CORO1C: variants seen among roughly 807,000 people sequenced by gnomAD.
CORO1C encodes coronin 1C.
CORO1C carries 14 observed loss-of-function variants against 51.2 expected under a neutral mutation model. The ratio of observed to expected loss-of-function variants is 0.27; its 90% confidence interval spans 0.18 to 0.43. The LOEUF is 0.43. CORO1C is among the 20% of genes least tolerant of loss of function. The probability of loss-of-function intolerance (pLI) is 1.00; values close to 1 mark genes in which losing one functional copy is unlikely to be tolerated. For missense variants in CORO1C, 417 were observed against 607.8 expected, an observed-to-expected ratio of 0.69 and a Z score of 3.30; for synonymous variants, 181 against 210.5, an observed-to-expected ratio of 0.86 and a Z score of 1.21.
rs186978980 is a variant in CORO1C at position 108,658,369 on chromosome 12, T to C, written c.630+369A>G. On this transcript the variant is annotated intron_variant, in intron 5 of 10. Coordinates refer to ENST00000261401, the MANE Select transcript of CORO1C (RefSeq NM_014325.4). The surrounding 1 kb of genome is among the most constrained non-coding windows in gnomAD (Gnocchi z 4.9). Reference sequence around the variant, plus strand: ...CCACCTGTTGCATCTTTAACAGCTGTGTTTGGAAAAGGGTGAGGAATTGAT... The same window carrying C: ...CCACCTGTTGCATCTTTAACAGCTGCGTTTGGAAAAGGGTGAGGAATTGAT... Among the ~76,000 whole-genome samples the C allele has an allele frequency of 3.7e-4, 56 of 152,212 alleles. No homozygotes were observed. The highest frequency in any genetic ancestry group is 1.2e-3 in the African/African-American group (51 of 41,532).
intron 8 of CORO1C, among the ~76,000 whole-genome samples, chr12:108,650,606 C>T (rs2032604666): frequency 6.6e-6 from 1 of 152,170 alleles, no homozygotes; most frequent in South Asian, 2.1e-4. Context: ...CTCACCAAGC[C>T]TTAAGTTCTT....
intron 2 of CORO1C, among the ~76,000 whole-genome samples, chr12:108,696,650 A>G (rs1374375661): frequency 2.0e-5 from 3 of 152,242 alleles, no homozygotes; most frequent in African/African-American, 7.2e-5. Flanking sequence ...AGTATTCCTC[A>G]TAGCCAAAAC....
At chr12:108,707,809 A>G (rs2136872401) in intron 1 of CORO1C, among the ~76,000 whole-genome samples, 1 of 152,344 alleles carries the variant, frequency 6.6e-6, no homozygotes, top group East Asian at 1.9e-4. Flanking sequence ...CCAATTTAAA[A>G]ATGAATCAAA....
At chr12:108,694,237 G>A (rs193237899) in intron 2 of CORO1C, among the ~76,000 whole-genome samples, 65 of 129,220 alleles carry the variant, frequency 5.0e-4, no homozygotes, top group African/African-American at 1.7e-3. Context: ...AGTCAAGATC[G>A]CACCACTGCA....
intron 1 of CORO1C, among the ~76,000 whole-genome samples, chr12:108,718,611 A>G (rs913548717): frequency 6.6e-6 from 1 of 152,096 alleles, no homozygotes; most frequent in African/African-American, 2.4e-5. Flanking sequence ...AAATCTCCCT[A>G]TGTTTCTGGA....
chr12:108,673,514 A>G (rs1472737827), intron 3 of CORO1C, among the ~76,000 whole-genome samples: 1 of 152,260 alleles, frequency 6.6e-6, no homozygotes, highest in African/African-American at 2.4e-5. Flanking sequence ...GGATAAGATC[A>G]TTGATGAAGG....
intron 1 of CORO1C, among the ~76,000 whole-genome samples, chr12:108,723,002 C>T (rs1032905768): frequency 2.6e-5 from 4 of 152,240 alleles, no homozygotes; most frequent in Non-Finnish European, 5.9e-5. Context: ...AGGACAGTTA[C>T]TCTATTTCTA....
At chr12:108,667,460 C>T (rs1390329274) in intron 3 of CORO1C, among the ~76,000 whole-genome samples, 1 of 152,198 alleles carries the variant, frequency 6.6e-6, no homozygotes, top group Non-Finnish European at 1.5e-5. Flanking sequence ...CTCAGTGCAG[C>T]AGAGAGTACA....
chr12:108,718,871 A>G (rs1218011442), intron 1 of CORO1C, among the ~76,000 whole-genome samples: 3 of 152,236 alleles, frequency 2.0e-5, no homozygotes, highest in Non-Finnish European at 4.4e-5. Flanking sequence ...CTTTACCACC[A>G]TTCAATACCT....
rs897456813 is a variant in CORO1C, at chr12:108,719,279, A to T, written c.-6+12150T>A. Among the ~76,000 whole-genome samples the T allele has an allele frequency of 4.6e-5, 7 of 152,348 alleles. No individual in the cohort carries two copies. The East Asian group carries it at 1.2e-3, about 25-fold the overall frequency. ...GGCTTCCTATCCCTAATACTTTTTT[A>T]AACAACTACATTTATGGTTTATGGT... On this transcript the variant is annotated intron_variant, in intron 1 of 10. Transcript: ENST00000261401.
At chr12:108,650,645 C>T (rs1393306381) in intron 8 of CORO1C, among the ~76,000 whole-genome samples, 1 of 152,116 alleles carries the variant, frequency 6.6e-6, no homozygotes, top group Non-Finnish European at 1.5e-5. Context: ...AAAAGTTACA[C>T]CTACCACATA....
Position 108,701,220 on chromosome 12 carries a change from G to A in CORO1C, c.99C>T (p.Thr33=), listed in dbSNP as rs758237818. 1.4e-5 allele frequency: 22 copies of A among 1,614,118 alleles called. No homozygotes were observed. The highest frequency in any genetic ancestry group is 1.7e-5 in the Non-Finnish European group (20 of 1,180,010). ...CYDDIRVSRV[T]WDSSFCAVNP... is the part of the protein sequence containing the mutation. ...TGACAGCACAAAAGGAACTATCCCA[G>A]GTCACACGAGAAACCCGGATGTCAT... Residue 33 remains threonine (T), a synonymous_variant, in exon 2 of 11, where the codon ACC becomes ACT. Transcript: ENST00000261401.
intron 1 of CORO1C, among the ~76,000 whole-genome samples, chr12:108,727,205 T>G (rs1222624045): frequency 6.6e-6 from 1 of 152,238 alleles, no homozygotes; most frequent in Non-Finnish European, 1.5e-5. Flanking sequence ...TTTCAGACTA[T>G]TAGCTCAAAT....
chr12:108,691,638 C>T (rs2034498538), intron 2 of CORO1C, among the ~76,000 whole-genome samples: 1 of 152,198 alleles, frequency 6.6e-6, no homozygotes, highest in Non-Finnish European at 1.5e-5. Flanking sequence ...CTGAGCCACC[C>T]GTGCAGCCAA....
At chr12:108,696,782 T>C (rs1238496715) in intron 2 of CORO1C, among the ~76,000 whole-genome samples, 1 of 152,260 alleles carries the variant, frequency 6.6e-6, no homozygotes, top group African/African-American at 2.4e-5. Context: ...CACAGCTTGA[T>C]GGAAGCATTA....
intron 1 of CORO1C, among the ~76,000 whole-genome samples, chr12:108,704,442 A>T (rs2034969357): frequency 6.6e-6 from 1 of 151,984 alleles, no homozygotes; most frequent in Admixed American, 6.6e-5. Flanking sequence ...ACTGCACTCC[A>T]GCCTGGGCGA....
chr12:108,678,729 A>C (rs1462844549), intron 2 of CORO1C, among the ~76,000 whole-genome samples: 2 of 151,976 alleles, frequency 1.3e-5, no homozygotes, highest in Admixed American at 6.6e-5. Context: ...AAAAAAAAAA[A>C]AAAAAAAACC....
intron 3 of CORO1C, among the ~76,000 whole-genome samples, chr12:108,666,847 C>T (rs1452879018): frequency 6.6e-6 from 1 of 152,142 alleles, no homozygotes; most frequent in Admixed American, 6.5e-5. Context: ...TGCCCCAAAG[C>T]ACCACCCTAA....
intron 1 of CORO1C, among the ~76,000 whole-genome samples, chr12:108,726,575 TA>T (rs2136892549): frequency 6.6e-6 from 1 of 150,844 alleles, no homozygotes; most frequent in East Asian, 1.9e-4. Context: ...TTTCGGAGGC[TA>T]AGGTAGGAGA....
Sources: allele counts gnomAD v4.1 joint callset (sites outside exome capture counted in the v4.1 genomes callset), GRCh38; gene constraint gnomAD v4.1.1; non-coding constraint Gnocchi (gnomAD v3.1); transcripts MANE v1.5; gene names NCBI Gene and HGNC (gene_info 2026-07-23, HGNC 2026-07-21).